SORCS2: variants seen among roughly 807,000 people sequenced by gnomAD.
SORCS2 encodes the protein VPS10 domain-containing receptor SorCS2.
Under a neutral mutation model 141.6 loss-of-function variants are expected in SORCS2, and 100 were observed. That is an observed-to-expected ratio of 0.71 (90% confidence interval 0.60 to 0.83). The LOEUF (loss-of-function observed/expected upper bound fraction) is 0.83. Ranked by LOEUF, SORCS2 falls within the 40% of genes least tolerant of loss-of-function variation. The pLI is 0.00. For missense variants in SORCS2, 1,646 were observed against 1,560.2 expected (o/e 1.05, Z -0.93); for synonymous variants, 789 against 676.9 (o/e 1.17, Z -2.57).
At chr4:7,343,098 G>T (rs150762906) in intron 1 of SORCS2, among the ~76,000 whole-genome samples, 1 of 152,330 alleles carries the variant, frequency 6.6e-6, no homozygotes, top group Non-Finnish European at 1.5e-5. Flanking sequence ...TCCTCTGCCT[G>T]TGTTCTTCCG....
At chr4:7,645,038 T>G (rs60359668) in intron 4 of SORCS2, among the ~76,000 whole-genome samples, 4,746 of 152,302 alleles carry the variant, frequency 0.031, 237 homozygotes, top group African/African-American at 0.11. Flanking sequence ...AGGGCAGGCG[T>G]CGTAAACGCA....
At chr4:7,433,623 G>T (rs767728929) in intron 2 of SORCS2, 1 of 1,611,394 alleles carries the variant, frequency 6.2e-7, no homozygotes, top group Admixed American at 1.7e-5. Flanking sequence ...AGGCCACCAG[G>T]ATGTCTCGCT....
At chr4:7,723,539 C>G (rs1726742510) in intron 18 of SORCS2, among the ~76,000 whole-genome samples, 158 bp from the exon 19 acceptor site, 3 of 152,188 alleles carry the variant, frequency 2.0e-5, no homozygotes, top group Admixed American at 1.3e-4. Context: ...CAGGGCAGAA[C>G]CAGGCCCGGT....
At chr4:7,700,441 A>G (rs1392019248) in intron 12 of SORCS2, among the ~76,000 whole-genome samples, 1 of 152,110 alleles carries the variant, frequency 6.6e-6, no homozygotes, top group Non-Finnish European at 1.5e-5. Flanking sequence ...GCCTGCATCT[A>G]TGCTGGCATC....
intron 8 of SORCS2, among the ~76,000 whole-genome samples, chr4:7,675,278 C>T (rs1723039971): frequency 6.6e-6 from 1 of 152,256 alleles, no homozygotes; most frequent in Non-Finnish European, 1.5e-5. Flanking sequence ...GAAACCGAGG[C>T]TGGGGACTTT....
chr4:7,443,346 C>T (rs1331398770), intron 2 of SORCS2, among the ~76,000 whole-genome samples: 1 of 152,142 alleles, frequency 6.6e-6, no homozygotes, highest in East Asian at 1.9e-4. Context: ...CATCTTAGGG[C>T]GGGCACCCGG....
At position 7,657,627 on chromosome 4, in the gene SORCS2, GAGTT is replaced by G. The variant is rs201361529; in HGVS notation, c.887+3424_887+3427del. 6.7e-3 allele frequency among the ~76,000 whole-genome samples: 997 copies of G among 149,034 alleles called. 12 individuals carry two copies. The highest frequency in any genetic ancestry group is 0.024 in the African/African-American group (916 of 38,476). On this transcript the variant is annotated intron_variant, in intron 5 of 26. Transcript: ENST00000507866. ...TGAGTGGGTGAGTGAGTCACTGAAT[GAGTT>G]AGTGAGTGAGTGAATGAGTGACTGA...
chr4:7,331,457 G>T (rs1012349730), intron 1 of SORCS2, among the ~76,000 whole-genome samples: 1 of 152,114 alleles, frequency 6.6e-6, no homozygotes, highest in Non-Finnish European at 1.5e-5. Flanking sequence ...GTACCCACGC[G>T]GGAAGGAGGT....
intron 2 of SORCS2, among the ~76,000 whole-genome samples, chr4:7,458,292 T>C (rs1729055252): frequency 6.6e-6 from 1 of 151,988 alleles, no homozygotes; most frequent in Non-Finnish European, 1.5e-5. Context: ...CTCACTACTG[T>C]AGGTACTAGG....
intron 2 of SORCS2, among the ~76,000 whole-genome samples, chr4:7,523,594 C>G (rs1044087830): frequency 9.2e-5 from 14 of 152,036 alleles, no homozygotes; most frequent in African/African-American, 3.4e-4. Flanking sequence ...GGTGGCAGCA[C>G]CCCTTCCCTC....
chr4:7,435,580 T>A (rs1727244680), intron 2 of SORCS2, among the ~76,000 whole-genome samples: 1 of 152,200 alleles, frequency 6.6e-6, no homozygotes. Context: ...GCCCAGCCGG[T>A]CTCTTCATTC....
intron 2 of SORCS2, among the ~76,000 whole-genome samples, chr4:7,415,259 T>G (rs1417550754): frequency 6.6e-6 from 1 of 152,154 alleles, no homozygotes; most frequent in Non-Finnish European, 1.5e-5. Flanking sequence ...GGCCACAAGT[T>G]CAACCAGGTC....
intron 3 of SORCS2, among the ~76,000 whole-genome samples, chr4:7,533,784 A>C (rs1441663144): frequency 6.7e-6 from 1 of 148,434 alleles, no homozygotes; most frequent in African/African-American, 2.5e-5. Flanking sequence ...ACCTGGGGAC[A>C]TGGCCGTGAC....
At chr4:7,612,275 G>A (rs1419626003) in intron 3 of SORCS2, among the ~76,000 whole-genome samples, 1 of 152,184 alleles carries the variant, frequency 6.6e-6, no homozygotes, top group Non-Finnish European at 1.5e-5. Context: ...GGGGTGAAAG[G>A]ACGGTGGCTT....
chr4:7,657,056 G>T (rs1721822669), intron 5 of SORCS2, among the ~76,000 whole-genome samples: 2 of 152,214 alleles, frequency 1.3e-5, no homozygotes, highest in African/African-American at 4.8e-5. Context: ...TATCTGAGTT[G>T]TTAGAAATAC....
At chr4:7,705,724 T>C (rs367586583) in intron 14 of SORCS2, among the ~76,000 whole-genome samples, 20 of 152,154 alleles carry the variant, frequency 1.3e-4, no homozygotes, top group East Asian at 1.2e-3. Context: ...ACACCCTGAG[T>C]TTTCCCTTCC....
At chr4:7,379,157 G>A (rs116302346) in intron 1 of SORCS2, among the ~76,000 whole-genome samples, 5 of 152,312 alleles carry the variant, frequency 3.3e-5, no homozygotes, top group Non-Finnish European at 5.9e-5. Flanking sequence ...AGGCACATCC[G>A]AGTATGGGCC....
At chr4:7,504,847 C>T (rs899771086) in intron 2 of SORCS2, among the ~76,000 whole-genome samples, 1 of 152,194 alleles carries the variant, frequency 6.6e-6, no homozygotes, top group Non-Finnish European at 1.5e-5. Context: ...TAGCTGGGAC[C>T]CGACTGTTGG....
chr4:7,695,360 A>G (rs867724004), intron 11 of SORCS2, among the ~76,000 whole-genome samples: 18 of 19,392 alleles, frequency 9.3e-4, no homozygotes, highest in South Asian at 3.0e-3. Context: ...TGGTGGGTGG[A>G]TGGATGGATG....
Sources: allele counts gnomAD v4.1 joint callset (sites outside exome capture counted in the v4.1 genomes callset), GRCh38; gene constraint gnomAD v4.1.1; transcripts MANE v1.5; gene names NCBI Gene and HGNC (gene_info 2026-07-23, HGNC 2026-07-21).